The following KCTD7 variants were observed in gnomAD, a reference collection of about 807,000 sequenced individuals.
KCTD7 encodes BTB/POZ domain-containing protein KCTD7.
A neutral mutation model predicts 27.0 loss-of-function variants in KCTD7; 15 were observed. The ratio of observed to expected loss-of-function variants is 0.56; its 90% CI spans 0.37 to 0.86. KCTD7 has a LOEUF of 0.86. Ranked by LOEUF, KCTD7 falls within the 40% of genes least tolerant of loss-of-function variation. The pLI, the probability that KCTD7 is intolerant of heterozygous loss-of-function variation, is 0.00. For synonymous variants in KCTD7, 159 were observed against 162.7 expected, an observed-to-expected ratio of 0.98 and a Z score of 0.17; for missense variants, 299 against 398.9, an observed-to-expected ratio of 0.75 and a Z score of 2.13.
In KCTD7 at chr7:66,641,896, A is replaced by T; in HGVS notation, c.*2664A>T. On this transcript the variant is annotated 3_prime_UTR_variant, in exon 4 of 4. Transcript: ENST00000639828. The stretch of plus-strand genomic sequence containing the variant: ...AAATGGCCAGGCCCAGAACAGAAGA[A>T]GGGTTGGGTCTGGAAGGAAGGCTCC... 2 of 985,412 alleles carry T rather than the reference A, an allele frequency of 2.0e-6. No individual in the cohort carries two copies. Among genetic ancestry groups the T allele is most frequent in the Middle Eastern group, 5.2e-4 (1 of 1,914 alleles). The allele number at this position is 985,412 out of a possible 1,614,324, so 61.0% of individuals were successfully genotyped here. A position where few individuals can be genotyped will look rare whatever the true frequency, so the allele number is the denominator to read the frequency against.
rs1347546706 is a variant in KCTD7, at chr7:66,638,685, C to T, written c.494-171C>T. ...TTGGCTTCCCTTTGCTGTGGAGAAC[C>T]GTGACCCTTGTTTAAGTTTGTGCCC... On this transcript the variant is annotated intron_variant, in intron 3 of 3. Transcript: ENST00000639828. 39 of 852,498 alleles carry T rather than the reference C, an allele frequency of 4.6e-5. No homozygotes were observed. The Admixed American group carries it at 9.2e-4, about 20-fold the overall frequency. The allele number at this position is 852,498 out of a possible 1,614,324, so 52.8% of individuals were successfully genotyped here.
At chr7:66,636,438 A>G (rs1381955593) in intron 2 of KCTD7, among the ~76,000 whole-genome samples, 2 of 151,788 alleles carry the variant, frequency 1.3e-5, no homozygotes, top group Non-Finnish European at 1.5e-5. Flanking sequence ...CCCCAATGTC[A>G]TTGAGAGGAT....
At chr7:66,630,512 C>G (rs1786420982) in intron 1 of KCTD7, among the ~76,000 whole-genome samples, 1 of 152,146 alleles carries the variant, frequency 6.6e-6, no homozygotes, top group Non-Finnish European at 1.5e-5. Flanking sequence ...GTGCCAGATC[C>G]AGGAGCATGT....
Position 66,640,892 on chromosome 7 carries a change from G to A in KCTD7, c.*1660G>A. The A allele has an allele frequency of 2.0e-6, 2 of 986,492 alleles. No homozygotes were observed. The highest frequency in any genetic ancestry group is 9.4e-5 in the South Asian group (2 of 21,380). The allele number at this position is 986,492 out of a possible 1,614,324, so 61.1% of individuals were successfully genotyped here. ...AGCCTCACTGGTATCAGACTTACAG[G>A]ACCAGATAGACAAGATGGGTATAAG... On this transcript the variant is annotated 3_prime_UTR_variant, in exon 4 of 4. Coordinates refer to ENST00000639828, the MANE Select transcript of KCTD7 (RefSeq NM_153033.5).
intron 3 of KCTD7, 103 bp from the exon 4 acceptor site, chr7:66,638,753 C>T (rs1786643583): frequency 2.1e-6 from 3 of 1,421,336 alleles, no homozygotes; most frequent in Non-Finnish European, 2.9e-6. Flanking sequence ...ATCTGTCTTT[C>T]CCCTCCTGCA....
At chr7:66,632,141 A>G (rs970698988) in intron 1 of KCTD7, among the ~76,000 whole-genome samples, 8 of 152,218 alleles carry the variant, frequency 5.3e-5, no homozygotes, top group African/African-American at 9.6e-5. Context: ...AGAAATTTCT[A>G]GAATGAGTAG....
intron 2 of KCTD7, among the ~76,000 whole-genome samples, chr7:66,634,379 T>A (rs1786538258): frequency 6.6e-6 from 1 of 151,954 alleles, no homozygotes; most frequent in Admixed American, 6.6e-5. Flanking sequence ...GCTGTTTTTT[T>A]GGAGATAGGG....
intron 1 of KCTD7, among the ~76,000 whole-genome samples, chr7:66,631,524 G>T (rs975729425): frequency 6.6e-6 from 1 of 150,552 alleles, no homozygotes; most frequent in African/African-American, 2.5e-5. Flanking sequence ...AACCGAGATC[G>T]TGCCATTGCA....
At chr7:66,634,800 A>C (rs987512224) in intron 2 of KCTD7, among the ~76,000 whole-genome samples, 2 of 151,554 alleles carry the variant, frequency 1.3e-5, no homozygotes, top group Non-Finnish European at 2.9e-5. Flanking sequence ...AAAAAAAAAA[A>C]CCCTCTGTTG....
chr7:66,632,975 G>A (rs1187307164), intron 1 of KCTD7, among the ~76,000 whole-genome samples: 2 of 151,760 alleles, frequency 1.3e-5, no homozygotes, highest in East Asian at 3.9e-4. Context: ...GGAGAATGGC[G>A]TGAACCCGGG....
Position 66,639,181 on chromosome 7 carries a change from C to T in KCTD7, c.819C>T (p.Asn273=). ...GGGTGTGTGACAAGCACCTCGTGAA[C>T]CACTACTACTGCAAGCGCCCCATCT... ...CIGVCDKHLV[N]HYYCKRPIYE... Residue 273 remains asparagine, a synonymous_variant, in exon 4 of 4, where the codon AAC becomes AAT. Transcript: ENST00000639828. 6.2e-7 allele frequency: 1 copy of T among 1,614,000 alleles called. No individual in the cohort carries two copies. Among genetic ancestry groups the T allele is most frequent in the East Asian group, 2.2e-5 (1 of 44,884 alleles).
intron 2 of KCTD7, among the ~76,000 whole-genome samples, chr7:66,637,414 C>A (rs1786612910): frequency 6.6e-6 from 1 of 152,096 alleles, no homozygotes; most frequent in African/African-American, 2.4e-5. Flanking sequence ...ATGTTCATCC[C>A]AGCTTTACTC....
chr7:66,635,324 ACT>A (rs1236941639), intron 2 of KCTD7, among the ~76,000 whole-genome samples: 2 of 152,004 alleles, frequency 1.3e-5, no homozygotes, highest in Non-Finnish European at 2.9e-5. Flanking sequence ...CCCGGCCGAG[ACT>A]CTGTGTCTTA....
chr7:66,632,757 C>T (rs1786480649), intron 1 of KCTD7, among the ~76,000 whole-genome samples: 1 of 151,764 alleles, frequency 6.6e-6, no homozygotes, highest in South Asian at 2.1e-4. Context: ...TAAAAGCTAT[C>T]AGGGGGCCAG....
Position 66,638,362 on chromosome 7 carries a change from G to A in KCTD7, c.424G>A (p.Glu142Lys). 6.2e-7 allele frequency: 1 copy of A among 1,614,238 alleles called. No individual in the cohort carries two copies. Among genetic ancestry groups the A allele is most frequent in the Non-Finnish European group, 8.5e-7 (1 of 1,180,056 alleles). Residue 142 changes from glutamate to lysine, a missense_variant, in exon 3 of 4, where the codon GAG (glutamate) becomes AAG (lysine). Glu to Lys is a moderately conservative substitution (Grantham distance 56, BLOSUM62 1). Transcript: ENST00000639828. ...CATCGGGCCCCTCCTGGAGCAGCTG[G>A]AGAACATGCAGCCACTGAAGGGCGA... ...YAIGPLLEQL[E>K]NMQPLKGEKV...
intron 1 of KCTD7, among the ~76,000 whole-genome samples, chr7:66,631,789 C>G (rs971759840): frequency 6.6e-6 from 1 of 152,082 alleles, no homozygotes; most frequent in African/African-American, 2.4e-5. Context: ...GTTCCTCACT[C>G]AGCCCTTACC....
At position 66,642,494 on chromosome 7, in the gene KCTD7, G is replaced by A; in HGVS notation, c.*3262G>A. The A allele has an allele frequency of 1.0e-6, 1 of 985,366 alleles. No individual in the cohort carries two copies. Among genetic ancestry groups the A allele is most frequent in the South Asian group, 4.7e-5 (1 of 21,286 alleles). 61.0% of individuals were successfully genotyped at this position (985,366 alleles called of 1,614,324 possible). A position where few individuals can be genotyped will look rare whatever the true frequency, so the allele number is the denominator to read the frequency against. On this transcript the variant is annotated 3_prime_UTR_variant, in exon 4 of 4. Transcript: ENST00000639828. The stretch of plus-strand genomic sequence containing the variant: ...GGTGTGAGCATCCATGTGTGGTCTT[G>A]GTCTAAACCAGCTCTTGAACAGGTT...
rs118004760 is a variant in KCTD7 at position 66,642,220 on chromosome 7, A to G, written c.*2988A>G. 1.3e-3 allele frequency: 1,234 copies of G among 985,448 alleles called. 1 individual carries two copies. The highest frequency in any genetic ancestry group is 1.4e-3 in the Non-Finnish European group (1,183 of 829,928). The allele number at this position is 985,448 out of a possible 1,614,324, so 61.0% of individuals were successfully genotyped here. A position where few individuals can be genotyped will look rare whatever the true frequency, so the allele number is the denominator to read the frequency against. On this transcript the variant is annotated 3_prime_UTR_variant, in exon 4 of 4. Transcript: ENST00000639828. ...CTCCAGGAGAGGAATTCTTAGCGTA[A>G]CACTCTAAATAAATGGAAGGAATCA...
At position 66,639,070 on chromosome 7, in the gene KCTD7, G is replaced by A; in HGVS notation, c.708G>A (p.Glu236=). 6.2e-7 allele frequency: 1 copy of A among 1,614,162 alleles called. No homozygotes were observed. The highest frequency in any genetic ancestry group is 8.5e-7 in the Non-Finnish European group (1 of 1,180,016). ...CEVDVSFGPW[E]AVADVYDLLH... Reference sequence around the variant, plus strand: ...TGGATGTGTCTTTTGGGCCCTGGGAGGCTGTGGCTGATGTTTATGACCTGC... The same window carrying A: ...TGGATGTGTCTTTTGGGCCCTGGGAAGCTGTGGCTGATGTTTATGACCTGC... The change falls in exon 4 of 4, where the codon GAG becomes GAA. Residue 236 remains glutamate, a synonymous_variant. Transcript: ENST00000639828.
Sources: allele counts gnomAD v4.1 joint callset (sites outside exome capture counted in the v4.1 genomes callset), GRCh38; gene constraint gnomAD v4.1.1; transcripts MANE v1.5; gene names NCBI Gene and HGNC (gene_info 2026-07-23, HGNC 2026-07-21).